CCDC192: variants seen among roughly 807,000 people sequenced by gnomAD.
The protein encoded by CCDC192 is coiled-coil domain containing 192.
At chr5:127,912,438 AAATG>A (rs1386454830) in intron 6 of CCDC192, among the ~76,000 whole-genome samples, 1 of 151,498 alleles carries the variant, frequency 6.6e-6, no homozygotes, top group Non-Finnish European at 1.5e-5. Flanking sequence ...AAAAAAAAAA[AAATG>A]AAGCTGTACT....
At chr5:127,732,807 C>T (rs1307925532) in intron 2 of CCDC192, among the ~76,000 whole-genome samples, 1 of 152,092 alleles carries the variant, frequency 6.6e-6, no homozygotes, top group Non-Finnish European at 1.5e-5. Flanking sequence ...CACATGAACA[C>T]AGGGAGGGGA....
rs568874605 is a variant in CCDC192, at chr5:127,786,826, C to G, written c.223-10277C>G. The G allele has an allele frequency of 1.3e-5, 7 of 537,620 alleles. No homozygotes were observed. In the African/African-American group the frequency reaches 1.3e-4, roughly 10 times the overall value. The allele number at this position is 537,620 out of a possible 1,614,324, so 33.3% of individuals were successfully genotyped here. A position where few individuals can be genotyped will look rare whatever the true frequency, so the allele number is the denominator to read the frequency against. ...TACTGAGCTCCTTCAGGTGTCTGCC[C>G]CTTTTTTGATGTAGAAACTCTGGCT... On this transcript the variant is annotated intron_variant, in intron 3 of 6. Transcript: ENST00000514853.
intron 5 of CCDC192, among the ~76,000 whole-genome samples, chr5:127,825,979 G>T (rs569162612): frequency 1.3e-5 from 2 of 152,198 alleles, no homozygotes; most frequent in South Asian, 2.1e-4. Flanking sequence ...TATCATTTTT[G>T]ATTTAATTTG....
At chr5:127,784,724 G>C in intron 3 of CCDC192, 1 of 554,546 alleles carries the variant, frequency 1.8e-6, no homozygotes, top group South Asian at 1.5e-5. Flanking sequence ...TTTGAACCTG[G>C]AGGATAGCTG....
intron 6 of CCDC192, 55 bp from the exon 7 acceptor site, chr5:127,941,123 TTGAC>T: frequency 2.5e-6 from 1 of 398,896 alleles, no homozygotes; most frequent in South Asian, 1.3e-4. Context: ...TTTCCTTGCT[TTGAC>T]TTCTGGGAAA....
chr5:127,860,736 T>C (rs962732210), intron 5 of CCDC192, among the ~76,000 whole-genome samples: 1 of 152,196 alleles, frequency 6.6e-6, no homozygotes, highest in Non-Finnish European at 1.5e-5. Flanking sequence ...ATAATCAAAG[T>C]CTGTCTAGTA....
At chr5:127,834,980 T>C (rs1052268906) in intron 5 of CCDC192, among the ~76,000 whole-genome samples, 4 of 152,170 alleles carry the variant, frequency 2.6e-5, no homozygotes, top group African/African-American at 9.7e-5. Context: ...TAAAATGAAA[T>C]GGTTCCAAAA....
chr5:127,822,793 G>A (rs544312089), intron 5 of CCDC192, among the ~76,000 whole-genome samples: 6 of 152,250 alleles, frequency 3.9e-5, no homozygotes, highest in South Asian at 4.1e-4. Flanking sequence ...AAAGGATAAC[G>A]GATAAAATGG....
intron 5 of CCDC192, among the ~76,000 whole-genome samples, chr5:127,860,316 G>A (rs140720750): frequency 1.3e-3 from 196 of 152,208 alleles, no homozygotes; most frequent in African/African-American, 4.0e-3. Flanking sequence ...ATTGAGAATC[G>A]CAGAAAAACA....
At chr5:127,785,661 T>G (rs1363349671) in intron 3 of CCDC192, 1 of 168,600 alleles carries the variant, frequency 5.9e-6, no homozygotes, top group Non-Finnish European at 1.3e-5. Context: ...GCATAGAACT[T>G]CTGAAACACA....
chr5:127,874,242 C>T (rs1329890031), intron 5 of CCDC192, among the ~76,000 whole-genome samples: 3 of 152,194 alleles, frequency 2.0e-5, no homozygotes, highest in Non-Finnish European at 4.4e-5. Flanking sequence ...TCTAACTCCC[C>T]TTAAAGAAGT....
rs142034243 is a variant in CCDC192 at position 127,793,417 on chromosome 5, A to G, written c.223-3686A>G. Reference sequence around the variant, plus strand: ...TATTAGAAAAAAGTTTCCTTTAAGTATATAAGTTAAGACCCTGAGAAATAT... The same window carrying G: ...TATTAGAAAAAAGTTTCCTTTAAGTGTATAAGTTAAGACCCTGAGAAATAT... On this transcript the variant is annotated intron_variant, in intron 3 of 6. Transcript: ENST00000514853. 2.8e-3 allele frequency among the ~76,000 whole-genome samples: 429 copies of G among 152,336 alleles called. 4 individuals carry two copies. Among genetic ancestry groups the G allele is most frequent in the African/African-American group, 9.9e-3 (413 of 41,574 alleles).
chr5:127,843,393 C>A (rs17164614), intron 5 of CCDC192, among the ~76,000 whole-genome samples: 1 of 151,018 alleles, frequency 6.6e-6, no homozygotes, highest in African/African-American at 2.4e-5. Context: ...GGATTTAAGC[C>A]GTTGTTGATT....
intron 6 of CCDC192, among the ~76,000 whole-genome samples, chr5:127,885,830 G>A (rs1752540837): frequency 6.6e-6 from 1 of 152,012 alleles, no homozygotes; most frequent in Non-Finnish European, 1.5e-5. Flanking sequence ...GGTAATCTAT[G>A]TGTATATGGT....
At chr5:127,920,517 C>T (rs1753681218) in intron 6 of CCDC192, among the ~76,000 whole-genome samples, 1 of 147,320 alleles carries the variant, frequency 6.8e-6, no homozygotes, top group South Asian at 2.2e-4. Context: ...TCAAGCAATT[C>T]TCTGCAAACT....
At chr5:127,767,695 T>A (rs1169235549) in intron 3 of CCDC192, among the ~76,000 whole-genome samples, 1 of 152,186 alleles carries the variant, frequency 6.6e-6, no homozygotes, top group African/African-American at 2.4e-5. Flanking sequence ...AACTTAGGAA[T>A]CTCTTTGCCT....
At chr5:127,710,080 T>C (rs1751234701) in intron 2 of CCDC192, among the ~76,000 whole-genome samples, 1 of 152,164 alleles carries the variant, frequency 6.6e-6, no homozygotes, top group African/African-American at 2.4e-5. Flanking sequence ...TTACAATGGG[T>C]AAGCTTGGGA....
At chr5:127,784,148 T>C (rs952247533) in intron 3 of CCDC192, among the ~76,000 whole-genome samples, 1 of 152,226 alleles carries the variant, frequency 6.6e-6, no homozygotes, top group South Asian at 2.1e-4. Context: ...TATTGAGATG[T>C]GAGGCACCAT....
At chr5:127,814,143 G>A (rs761116406) in intron 5 of CCDC192, among the ~76,000 whole-genome samples, 4 of 152,158 alleles carry the variant, frequency 2.6e-5, no homozygotes, top group Non-Finnish European at 5.9e-5. Flanking sequence ...CAGGGAGGCT[G>A]CTTCAGGAGT....
Sources: gnomAD v4.1 joint callset for allele counts (sites outside exome capture counted in the v4.1 genomes callset) on GRCh38, gnomAD v4.1.1 for gene constraint, MANE v1.5 for transcripts, NCBI Gene and HGNC (gene_info 2026-07-23, HGNC 2026-07-21) for gene names.